The following PLEKHB2 variants were observed in gnomAD, a reference collection of about 807,000 sequenced individuals.
The protein encoded by PLEKHB2 is pleckstrin homology domain containing B2, also known as pleckstrin homology domain-containing family B member 2.
PLEKHB2 carries 31 observed loss-of-function variants against 36.5 expected under a neutral mutation model. The ratio of observed to expected loss-of-function variants is 0.85; its 90% CI spans 0.64 to 1.15. PLEKHB2 has a LOEUF of 1.15. PLEKHB2 is among the 50% of genes most tolerant of loss of function. The probability of loss-of-function intolerance (pLI) is 0.00; values close to 1 mark genes in which losing one functional copy is unlikely to be tolerated. For synonymous variants in PLEKHB2, 119 were observed against 112.0 expected, an observed-to-expected ratio of 1.06 and a Z score of -0.39; for missense variants, 262 against 295.3, an observed-to-expected ratio of 0.89 and a Z score of 0.83.
In PLEKHB2 at chr2:131,123,042, A is replaced by C. The variant is rs1194515000; in HGVS notation, c.37+2064A>C. On this transcript the variant is annotated intron_variant, in intron 2 of 7. Coordinates refer to ENST00000693505, the MANE Select transcript of PLEKHB2 (RefSeq NM_001100623.2). ...TAAGTGCTCTGTCAACATAGTGATC[A>C]GTGACTCTTTTGACAATTTTGTCCT... Among the ~76,000 whole-genome samples the C allele has an allele frequency of 3.3e-5, 5 of 152,298 alleles. No individual in the cohort carries two copies. The South Asian group carries it at 1.0e-3, about 32-fold the overall frequency.
chr2:131,142,576 C>CT (rs1041202610), intron 7 of PLEKHB2, among the ~76,000 whole-genome samples: 459 of 130,020 alleles, frequency 3.5e-3, no homozygotes, highest in East Asian at 9.8e-3. Context: ...CTTTTTTTTT[C>CT]TTTTTTTTTT....
chr2:131,112,605 T>G lies in PLEKHB2; in HGVS notation c.-9+7207T>G, dbSNP rs193001488. Among the ~76,000 whole-genome samples the G allele has an allele frequency of 1.0e-3, 152 of 152,312 alleles. 1 individual carries two copies. The highest frequency in any genetic ancestry group is 3.4e-3 in the African/African-American group (140 of 41,578). On this transcript the variant is annotated intron_variant, in intron 1 of 7. Transcript: ENST00000693505. ...GTAGCAACAGTTAGAAGTGGGATTTTAAAGGGCAAAAATAGGGGCAGTTTC... is the reference window on the plus strand; with the variant it reads ...GTAGCAACAGTTAGAAGTGGGATTTGAAAGGGCAAAAATAGGGGCAGTTTC...
chr2:131,138,292 A>C (rs1698465322), intron 6 of PLEKHB2, among the ~76,000 whole-genome samples: 1 of 151,864 alleles, frequency 6.6e-6, no homozygotes, highest in African/African-American at 2.4e-5. Context: ...AGATACTTTA[A>C]ATTTTTTATT....
chr2:131,143,861 T>C (rs999729643), intron 7 of PLEKHB2, among the ~76,000 whole-genome samples: 2 of 152,178 alleles, frequency 1.3e-5, no homozygotes, highest in Admixed American at 6.5e-5. Context: ...AGCACAGATA[T>C]TGCAGACGTG....
chr2:131,142,425 T>A (rs775748582), intron 7 of PLEKHB2, among the ~76,000 whole-genome samples: 2 of 152,164 alleles, frequency 1.3e-5, no homozygotes, highest in Non-Finnish European at 2.9e-5. Flanking sequence ...TTGCCTATTA[T>A]CATATTGGGT....
intron 7 of PLEKHB2, among the ~76,000 whole-genome samples, chr2:131,144,115 G>C (rs1699056823): frequency 1.3e-5 from 2 of 152,172 alleles, no homozygotes; most frequent in Non-Finnish European, 2.9e-5. Context: ...AACCAGATGG[G>C]TGCTTTGCCA....
intron 7 of PLEKHB2, among the ~76,000 whole-genome samples, chr2:131,142,936 C>T (rs1463075527): frequency 6.6e-6 from 1 of 152,132 alleles, no homozygotes; most frequent in African/African-American, 2.4e-5. Context: ...GATGGTTTGA[C>T]TTAATGATTT....
At chr2:131,121,822 A>C (rs568618022) in intron 2 of PLEKHB2, among the ~76,000 whole-genome samples, 3 of 152,276 alleles carry the variant, frequency 2.0e-5, no homozygotes, top group African/African-American at 7.2e-5. Flanking sequence ...TCCTAGGCTT[A>C]TCTCTGCAAA....
chr2:131,133,002 C>T lies in PLEKHB2; in HGVS notation c.423+11C>T. The T allele has an allele frequency of 6.2e-7, 1 of 1,602,650 alleles. No homozygotes were observed. Among genetic ancestry groups the T allele is most frequent in the Non-Finnish European group, 8.6e-7 (1 of 1,169,580 alleles). ...GCACCGGCCCCTGAGGTAGGGAGAA[C>T]CCTGAGCCTCCAGGTGAGGGAAGTT... On this transcript the variant is annotated intron_variant, in intron 6 of 7. Transcript: ENST00000693505.
chr2:131,140,309 C>G (rs375840811), intron 7 of PLEKHB2, 34 bp downstream of exon 7: 3 of 1,160,768 alleles, frequency 2.6e-6, no homozygotes, highest in Non-Finnish European at 3.9e-6. Flanking sequence ...CCTCATTTCT[C>G]TCCATTTGCT....
At chr2:131,146,216 C>T (rs1699274520) in intron 7 of PLEKHB2, among the ~76,000 whole-genome samples, 1 of 152,058 alleles carries the variant, frequency 6.6e-6, no homozygotes. Flanking sequence ...AGATTTAAGG[C>T]TTAATTTAAA....
intron 4 of PLEKHB2, among the ~76,000 whole-genome samples, chr2:131,128,801 A>G (rs1697348912): frequency 6.6e-6 from 1 of 152,200 alleles, no homozygotes; most frequent in South Asian, 2.1e-4. Context: ...AAAGTGTACA[A>G]CCCAAAAGAG....
intron 7 of PLEKHB2, 53 bp downstream of exon 7, chr2:131,140,328 C>T: frequency 1.1e-6 from 1 of 921,986 alleles, no homozygotes; most frequent in Non-Finnish European, 1.8e-6. Context: ...CTGAGTAGAC[C>T]AGAGAGACCT....
chr2:131,133,350 T>C (rs1697912333), intron 6 of PLEKHB2, among the ~76,000 whole-genome samples: 1 of 152,206 alleles, frequency 6.6e-6, no homozygotes, highest in African/African-American at 2.4e-5. Context: ...AAAATAACCT[T>C]AAAAAATCAT....
intron 1 of PLEKHB2, among the ~76,000 whole-genome samples, chr2:131,113,242 C>T (rs553712008): frequency 1.2e-4 from 19 of 152,156 alleles, no homozygotes; most frequent in Admixed American, 3.9e-4. Context: ...CCACCATGCC[C>T]CGCTGATTTT....
At chr2:131,126,492 G>A (rs969784058) in intron 3 of PLEKHB2, among the ~76,000 whole-genome samples, 192 bp from the exon 4 acceptor site, 3 of 152,216 alleles carry the variant, frequency 2.0e-5, no homozygotes, top group African/African-American at 4.8e-5. Context: ...TTTTGTGGAC[G>A]TCATCTTGGC....
At chr2:131,125,942 C>G (rs1469342139) in intron 3 of PLEKHB2, 37 bp downstream of exon 3, 3 of 1,596,284 alleles carry the variant, frequency 1.9e-6, no homozygotes, top group Non-Finnish European at 2.6e-6. Context: ...CTGTCTTCTG[C>G]TCTTCCTCTG....
intron 4 of PLEKHB2, among the ~76,000 whole-genome samples, chr2:131,127,812 T>C (rs758316978): frequency 2.6e-5 from 4 of 152,232 alleles, no homozygotes; most frequent in African/African-American, 4.8e-5. Flanking sequence ...TCTGGAGTGA[T>C]GCTGATTAAG....
rs935415141 is a variant in PLEKHB2 at position 131,115,377 on chromosome 2, T to C, written c.-8-5557T>C. Among the ~76,000 whole-genome samples the C allele has an allele frequency of 7.4e-5, 9 of 121,430 alleles. No homozygotes were observed. The Admixed American group carries it at 8.4e-4, about 11-fold the overall frequency. The allele number at this position is 121,430 out of a possible 152,430, so 79.7% of individuals were successfully genotyped here. A position where few individuals can be genotyped will look rare whatever the true frequency, so the allele number is the denominator to read the frequency against. On this transcript the variant is annotated intron_variant, in intron 1 of 7. Coordinates refer to ENST00000693505, the MANE Select transcript of PLEKHB2 (RefSeq NM_001100623.2). ...TTTTTTTTTTTTTTTTTTTTTGAGA[T>C]GGAGTCTGGCTCTTTTGCCAGGCTA...
Sources: allele counts gnomAD v4.1 joint callset (sites outside exome capture counted in the v4.1 genomes callset), GRCh38; gene constraint gnomAD v4.1.1; transcripts MANE v1.5; gene names NCBI Gene and HGNC (gene_info 2026-07-23, HGNC 2026-07-21).